Variants in KSR2 observed in about 807,000 individuals in gnomAD.
KSR2 encodes the protein kinase suppressor of ras 2.
Under a neutral mutation model 107.8 loss-of-function variants are expected in KSR2, and 25 were observed. That is an observed-to-expected ratio of 0.23 (90% confidence interval 0.17 to 0.32). The LOEUF is 0.32. KSR2 is among the 10% of genes least tolerant of loss of function. KSR2 has a pLI of 1.00. For missense variants in KSR2, 887 were observed against 1,268.9 expected, an observed-to-expected ratio of 0.70 and a Z score of 4.57; for synonymous variants, 480 against 507.0, an observed-to-expected ratio of 0.95 and a Z score of 0.71.
intron 4 of KSR2, among the ~76,000 whole-genome samples, chr12:117,736,685 T>C (rs571865533): frequency 5.7e-4 from 87 of 151,934 alleles, no homozygotes; most frequent in Non-Finnish European, 1.0e-3. Context: ...TGGTGGTGCA[T>C]GCCTGTAGTT....
chr12:117,679,245 A>C (rs1303776504), intron 4 of KSR2, among the ~76,000 whole-genome samples: 1 of 152,188 alleles, frequency 6.6e-6, no homozygotes, highest in Non-Finnish European at 1.5e-5. Flanking sequence ...GTGCATCAGC[A>C]CCATGCACGG....
intron 3 of KSR2, among the ~76,000 whole-genome samples, chr12:117,796,979 G>C (rs183939331): frequency 5.9e-5 from 9 of 152,258 alleles, no homozygotes; most frequent in Non-Finnish European, 1.0e-4. Context: ...CTTTGAATTG[G>C]AGCCTGGGAA....
At chr12:117,923,681 G>A (rs1895414045) in intron 1 of KSR2, among the ~76,000 whole-genome samples, 1 of 152,000 alleles carries the variant, frequency 6.6e-6, no homozygotes, top group Admixed American at 6.6e-5. Flanking sequence ...GTGTGTGTGT[G>A]TGTGTATGTA....
At chr12:117,509,069 T>G (rs1429048583) in intron 14 of KSR2, among the ~76,000 whole-genome samples, 1 of 151,958 alleles carries the variant, frequency 6.6e-6, no homozygotes, top group African/African-American at 2.4e-5. Context: ...GGAGGATGGA[T>G]GGATGCGTGA....
At chr12:117,527,287 AC>A in intron 12 of KSR2, among the ~76,000 whole-genome samples, 168 bp from the exon 13 acceptor site, 1 of 120,796 alleles carries the variant, frequency 8.3e-6, no homozygotes, top group African/African-American at 3.3e-5. Context: ...CTCGACACAC[AC>A]ACACACACAC....
intron 1 of KSR2, among the ~76,000 whole-genome samples, chr12:117,943,677 G>T (rs143729323): frequency 6.6e-6 from 1 of 152,248 alleles, no homozygotes; most frequent in East Asian, 1.9e-4. Context: ...GGTGAAACTT[G>T]AAGACATTAT....
In KSR2 at chr12:117,539,993, A is replaced by C. The variant is rs538980812; in HGVS notation, c.1519-106T>G. On this transcript the variant is annotated intron_variant, in intron 9 of 19. Transcript: ENST00000339824. Reference sequence around the variant, plus strand: ...GGCCCCCACCCCAGCCCCTGCAACAATTCTTGCCCTTTCCTCAGCCACCAG... The same window carrying C: ...GGCCCCCACCCCAGCCCCTGCAACACTTCTTGCCCTTTCCTCAGCCACCAG... 3.2e-6 allele frequency: 3 copies of C among 925,382 alleles called. No homozygotes were observed. The African/African-American group carries it at 5.2e-5, about 16-fold the overall frequency. 57.3% of individuals were successfully genotyped at this position (925,382 alleles called of 1,614,324 possible). A position where few individuals can be genotyped will look rare whatever the true frequency, so the allele number is the denominator to read the frequency against.
chr12:117,819,140 G>C (rs11068688), intron 3 of KSR2, among the ~76,000 whole-genome samples: 6,514 of 152,106 alleles, frequency 0.043, 198 homozygotes, highest in East Asian at 0.11. Flanking sequence ...CCTCACTGTG[G>C]CCAAAATATG....
intron 4 of KSR2, among the ~76,000 whole-genome samples, chr12:117,759,969 C>T (rs1043164224): frequency 2.6e-5 from 4 of 152,112 alleles, no homozygotes; most frequent in Admixed American, 1.3e-4. Context: ...ATTAGCCAGG[C>T]GTGGTGGCAC....
At chr12:117,839,282 G>A (rs917808668) in intron 3 of KSR2, among the ~76,000 whole-genome samples, 5 of 152,206 alleles carry the variant, frequency 3.3e-5, no homozygotes, top group Non-Finnish European at 5.9e-5. Flanking sequence ...ACCATGCTAA[G>A]TAGTTTGTAG....
At chr12:117,871,872 G>A (rs926782645) in intron 1 of KSR2, among the ~76,000 whole-genome samples, 9 of 151,946 alleles carry the variant, frequency 5.9e-5, no homozygotes, top group Non-Finnish European at 1.3e-4. Flanking sequence ...GCCCAGGCTG[G>A]TCTCAAACTC....
At chr12:117,572,886 G>C (rs922824158) in intron 7 of KSR2, among the ~76,000 whole-genome samples, 1 of 152,140 alleles carries the variant, frequency 6.6e-6, no homozygotes, top group Non-Finnish European at 1.5e-5. Context: ...CCTGAGAAGG[G>C]GGAAGAATGC....
At chr12:117,596,211 A>G (rs1880636726) in intron 5 of KSR2, among the ~76,000 whole-genome samples, 2 of 152,212 alleles carry the variant, frequency 1.3e-5, no homozygotes, top group South Asian at 4.1e-4. Context: ...CACGTCTTAC[A>G]TGGCAGCAGG....
In KSR2 at chr12:117,792,809, C is replaced by T. The variant is rs550948228; in HGVS notation, c.473-31285G>A. Among the ~76,000 whole-genome samples, 4 of 152,270 alleles carry T rather than the reference C, an allele frequency of 2.6e-5. No homozygotes were observed. In the South Asian group the frequency reaches 8.3e-4, roughly 32 times the overall value. On this transcript the variant is annotated intron_variant, in intron 3 of 19. Transcript: ENST00000339824. Reference sequence around the variant, plus strand: ...TGGGGTGCGTCATCCCTAAAAATAACTGAGAACTGTGGAAGTGAAGACACC... The same window carrying T: ...TGGGGTGCGTCATCCCTAAAAATAATTGAGAACTGTGGAAGTGAAGACACC...
intron 1 of KSR2, among the ~76,000 whole-genome samples, chr12:117,936,533 T>TAGTAGTAG (rs1555258978): frequency 0.012 from 1,408 of 119,628 alleles, 7 homozygotes; most frequent in Non-Finnish European, 0.016. Flanking sequence ...ATTATTATTA[T>TAGTAGTAG]TAGTAGTAGT....
In KSR2 at chr12:117,517,796, T is replaced by A. The variant is rs1441871175; in HGVS notation, c.2219+7056A>T. ...TCCACTCGATGATGGGGACGGAATCTTCATGTGCTCAGGCCCCCCAACTCC... is the reference window on the plus strand; with the variant it reads ...TCCACTCGATGATGGGGACGGAATCATCATGTGCTCAGGCCCCCCAACTCC... On this transcript the variant is annotated intron_variant, in intron 14 of 19. Coordinates refer to ENST00000339824, the MANE Select transcript of KSR2 (RefSeq NM_173598.6). 1.5e-5 allele frequency: 7 copies of A among 454,714 alleles called. No individual in the cohort carries two copies. In the East Asian group the frequency reaches 4.9e-4, roughly 32 times the overall value. The allele number at this position is 454,714 out of a possible 1,614,324, so 28.2% of individuals were successfully genotyped here. A position where few individuals can be genotyped will look rare whatever the true frequency, so the allele number is the denominator to read the frequency against.
At chr12:117,967,426 G>T (rs1896832183) in intron 1 of KSR2, among the ~76,000 whole-genome samples, 1 of 152,048 alleles carries the variant, frequency 6.6e-6, no homozygotes, top group Non-Finnish European at 1.5e-5. Context: ...TACGTTTTAG[G>T]CCTGCAACAG....
intron 2 of KSR2, among the ~76,000 whole-genome samples, chr12:117,857,894 AAG>A (rs1270806315): frequency 1.3e-5 from 2 of 152,270 alleles, no homozygotes; most frequent in African/African-American, 4.8e-5. Context: ...ACTGCAGACA[AAG>A]AGCAGAAACC....
chr12:117,967,296 C>T (rs1021748511), intron 1 of KSR2, among the ~76,000 whole-genome samples: 2 of 152,066 alleles, frequency 1.3e-5, no homozygotes, highest in Admixed American at 1.3e-4. Context: ...CACAAGAAGC[C>T]AAAGATAACT....
Sources: gnomAD v4.1 joint callset for allele counts (sites outside exome capture counted in the v4.1 genomes callset) on GRCh38, gnomAD v4.1.1 for gene constraint, MANE v1.5 for transcripts, NCBI Gene and HGNC (gene_info 2026-07-23, HGNC 2026-07-21) for gene names.